Variants in CAMK4 observed in about 807,000 individuals in gnomAD.
CAMK4 encodes the protein calcium/calmodulin dependent protein kinase IV, also known as calcium/calmodulin-dependent protein kinase type IV.
In CAMK4, 22 loss-of-function variants were observed where a neutral mutation model predicts 44.9. The observed-to-expected ratio is 0.49, with a 90% CI of 0.35 to 0.70. The LOEUF (loss-of-function observed/expected upper bound fraction) is 0.70. Among genes scored for constraint, CAMK4 ranks in the 30% least tolerant of loss-of-function variants. The pLI, the probability that CAMK4 is intolerant of heterozygous loss-of-function variation, is 0.01. For synonymous variants in CAMK4, 218 were observed against 215.4 expected, an observed-to-expected ratio of 1.01 and a Z score of -0.11; for missense variants, 498 against 586.8, an observed-to-expected ratio of 0.85 and a Z score of 1.56.
intron 5 of CAMK4, among the ~76,000 whole-genome samples, chr5:111,407,135 C>G (rs538333747): frequency 1.3e-5 from 2 of 151,916 alleles, no homozygotes. Context: ...AGGTGGATCA[C>G]GAGGTCAGGA....
intron 5 of CAMK4, among the ~76,000 whole-genome samples, chr5:111,432,966 C>T (rs1373448018): frequency 1.3e-5 from 2 of 152,042 alleles, no homozygotes; most frequent in African/African-American, 4.8e-5. Flanking sequence ...GATAGGCAAG[C>T]ACACAAATAT....
At chr5:111,420,241 G>GT (rs923098218) in intron 5 of CAMK4, among the ~76,000 whole-genome samples, 3 of 152,102 alleles carry the variant, frequency 2.0e-5, no homozygotes, top group African/African-American at 7.2e-5. Context: ...TTGGCTCTCT[G>GT]TCTGTTATTG....
Position 111,482,858 on chromosome 5 carries a change from C to G in CAMK4, c.902C>G (p.Thr301Arg). The change falls in exon 10 of 11, where the codon ACA (threonine) becomes AGA (arginine). Residue 301 changes from threonine (T) to arginine (R), a missense_variant. By Grantham distance (71) the Thr-to-Arg change is moderately conservative (BLOSUM62 -1). Coordinates refer to ENST00000282356, the MANE Select transcript of CAMK4 (RefSeq NM_001744.6). This position sits in a 1 kb window ranked among gnomAD's most constrained non-coding sequence, Gnocchi z 4.9. ...TFQALQHPWV[T>R]GKAANFVHMD... ...CAAGCTCTCCAGCATCCGTGGGTCACAGGTAAAGCAGCCAATTTTGTACAC... is the reference window on the plus strand; with the variant it reads ...CAAGCTCTCCAGCATCCGTGGGTCAGAGGTAAAGCAGCCAATTTTGTACAC... The G allele has an allele frequency of 6.2e-7, 1 of 1,613,172 alleles. No individual in the cohort carries two copies. Among genetic ancestry groups the G allele is most frequent in the Non-Finnish European group, 8.5e-7 (1 of 1,179,540 alleles).
chr5:111,456,434 T>C (rs1201891555), intron 7 of CAMK4, among the ~76,000 whole-genome samples: 3 of 151,956 alleles, frequency 2.0e-5, no homozygotes, highest in Admixed American at 6.6e-5. Flanking sequence ...GGGCTTGCAG[T>C]GAGCCGAGAT....
At chr5:111,348,567 T>C (rs2090053375) in intron 2 of CAMK4, among the ~76,000 whole-genome samples, 1 of 152,002 alleles carries the variant, frequency 6.6e-6, no homozygotes, top group Non-Finnish European at 1.5e-5. Flanking sequence ...TTTCAAAGAA[T>C]TGGAATGCAT....
At chr5:111,319,866 GTA>G (rs1748585495) in intron 1 of CAMK4, among the ~76,000 whole-genome samples, 1 of 152,030 alleles carries the variant, frequency 6.6e-6, no homozygotes, top group Non-Finnish European at 1.5e-5. Flanking sequence ...TAAACATTTT[GTA>G]TGCAAGATAT....
At position 111,349,709 on chromosome 5, in the gene CAMK4, G is replaced by GTAT. The variant is rs1213679088; in HGVS notation, c.240+5608_240+5610dup. On this transcript the variant is annotated intron_variant, in intron 2 of 10. Transcript: ENST00000282356. ...TATAGTTTATCTTTCTTCCTTAGGAGTATATACCTCAGAGTGTATCTAAAT... is the reference window on the plus strand; with the variant it reads ...TATAGTTTATCTTTCTTCCTTAGGAGTATTATATACCTCAGAGTGTATCTAAAT... Among the ~76,000 whole-genome samples the GTAT allele has an allele frequency of 2.6e-5, 4 of 151,870 alleles. No individual in the cohort carries two copies. The East Asian group carries it at 7.8e-4, about 29-fold the overall frequency.
intron 5 of CAMK4, among the ~76,000 whole-genome samples, chr5:111,420,557 G>T (rs1752989005): frequency 6.6e-6 from 1 of 152,096 alleles, no homozygotes; most frequent in African/African-American, 2.4e-5. Flanking sequence ...TATTAGGTGG[G>T]AATTTCCTCT....
intron 1 of CAMK4, among the ~76,000 whole-genome samples, chr5:111,296,902 A>G (rs1747506634): frequency 6.6e-6 from 1 of 152,226 alleles, no homozygotes; most frequent in Admixed American, 6.5e-5. Flanking sequence ...TTAGACACAA[A>G]TATGGCATGA....
rs973403686 is a variant in CAMK4, at chr5:111,315,597, A to AT, written c.162-28419dup. Among the ~76,000 whole-genome samples, 18 of 152,096 alleles carry AT rather than the reference A, an allele frequency of 1.2e-4. 1 individual carries two copies. The East Asian group carries it at 2.3e-3, about 20-fold the overall frequency. ...TTAGTTGTGGAAGATTATGATCTTCATTTTTTTTGTATATAAAGGAACTCT... is the reference window on the plus strand; with the variant it reads ...TTAGTTGTGGAAGATTATGATCTTCATTTTTTTTTGTATATAAAGGAACTCT... On this transcript the variant is annotated intron_variant, in intron 1 of 10. Transcript: ENST00000282356.
chr5:111,236,529 T>G, intron 1 of CAMK4, among the ~76,000 whole-genome samples: 1 of 152,214 alleles, frequency 6.6e-6, no homozygotes, highest in East Asian at 1.9e-4. Flanking sequence ...AAGCCCTGGT[T>G]TGTCAGACTT....
intron 1 of CAMK4, among the ~76,000 whole-genome samples, chr5:111,334,415 G>A (rs918921977): frequency 6.6e-6 from 1 of 151,444 alleles, no homozygotes; most frequent in African/African-American, 2.4e-5. Context: ...CAGAGATAGA[G>A]ACTGAAACAA....
intron 7 of CAMK4, among the ~76,000 whole-genome samples, chr5:111,460,796 G>C (rs1304792783): frequency 9.9e-5 from 15 of 151,976 alleles, no homozygotes; most frequent in Admixed American, 9.2e-4. Flanking sequence ...AGATAGGAAG[G>C]CTCAATGGAA....
intron 5 of CAMK4, among the ~76,000 whole-genome samples, chr5:111,399,629 T>C (rs991707416): frequency 6.6e-6 from 1 of 152,232 alleles, no homozygotes; most frequent in Non-Finnish European, 1.5e-5. Flanking sequence ...TCATTCTGTA[T>C]TTTTTCTTTC....
chr5:111,409,512 TG>T (rs1377711794), intron 5 of CAMK4, among the ~76,000 whole-genome samples: 1 of 152,242 alleles, frequency 6.6e-6, no homozygotes, highest in East Asian at 1.9e-4. Context: ...GAGGGGCTGC[TG>T]TGAAGGTCTC....
At chr5:111,262,113 C>T (rs1750007413) in intron 1 of CAMK4, among the ~76,000 whole-genome samples, 1 of 148,484 alleles carries the variant, frequency 6.7e-6, no homozygotes. Context: ...AGTAGAGACA[C>T]AGTTTAAGGT....
rs1754148900 is a variant in CAMK4 at position 111,449,339 on chromosome 5, G to C, written c.625+136G>C. ...TTTGTTGCAAATCTCTATGAGGAAGGCATACATAAATAATACTCAGATCAC... is the reference window on the plus strand; with the variant it reads ...TTTGTTGCAAATCTCTATGAGGAAGCCATACATAAATAATACTCAGATCAC... On this transcript the variant is annotated intron_variant, in intron 7 of 10. Transcript: ENST00000282356. 21 of 507,460 alleles carry C rather than the reference G, an allele frequency of 4.1e-5. 1 individual carries two copies. The South Asian group carries it at 7.4e-4, about 18-fold the overall frequency. 31.4% of individuals were successfully genotyped at this position (507,460 alleles called of 1,614,324 possible). A position where few individuals can be genotyped will look rare whatever the true frequency, so the allele number is the denominator to read the frequency against.
intron 7 of CAMK4, among the ~76,000 whole-genome samples, chr5:111,463,091 T>C (rs757248457): frequency 3.0e-4 from 46 of 152,184 alleles, no homozygotes; most frequent in Admixed American, 9.8e-4. Flanking sequence ...TGAGGTTTTG[T>C]GGGAGCTTGG....
chr5:111,439,934 G>A (rs1263075862), intron 5 of CAMK4, among the ~76,000 whole-genome samples: 1 of 152,074 alleles, frequency 6.6e-6, no homozygotes, highest in African/African-American at 2.4e-5. Context: ...GTCAGAACAG[G>A]GTATTGGGTT....
Sources: allele counts gnomAD v4.1 joint callset (sites outside exome capture counted in the v4.1 genomes callset), GRCh38; gene constraint gnomAD v4.1.1; non-coding constraint Gnocchi (gnomAD v3.1); transcripts MANE v1.5; gene names NCBI Gene and HGNC (gene_info 2026-07-23, HGNC 2026-07-21).